The following AGMO variants were observed in gnomAD, a reference collection of about 807,000 sequenced individuals.
AGMO encodes the protein glyceryl-ether monooxygenase.
A neutral mutation model predicts 60.2 loss-of-function variants in AGMO; 75 were observed. The observed-to-expected ratio is 1.25, with a 90% CI of 1.03 to 1.51. The LOEUF is 1.51. Among genes scored for constraint, AGMO ranks in the 40% most tolerant of loss-of-function variants. The probability of loss-of-function intolerance (pLI) is 0.00; values close to 1 mark genes in which losing one functional copy is unlikely to be tolerated. For missense variants in AGMO, 763 were observed against 525.5 expected (o/e 1.45, Z -4.42); for synonymous variants, 261 against 177.1 (o/e 1.47, Z -3.76).
rs1394761285 is a variant in AGMO, at chr7:15,394,147, A to C, written c.642T>G (p.Ile214Met). The stretch of plus-strand genomic sequence containing the variant: ...CCCTATGATGGCTAGGAGTATTAAG[A>C]ATCAGTTCCAAAGGACCAAGGTTAT... The part of the protein sequence containing the change: ...VINNLGPLEL[I>M]LNTPSHHRVH... Residue 214 changes from isoleucine to methionine, a missense_variant, in exon 6 of 13, where the codon ATT becomes ATG. Physicochemically the swap from Ile to Met is conservative, Grantham distance 10. Coordinates refer to ENST00000342526, the MANE Select transcript of AGMO (RefSeq NM_001004320.2). 1.2e-6 allele frequency: 2 copies of C among 1,612,424 alleles called. No individual in the cohort carries two copies. Among genetic ancestry groups the C allele is most frequent in the African/African-American group, 2.7e-5 (2 of 74,984 alleles).
chr7:15,287,006 T>C (rs963869287), intron 12 of AGMO, among the ~76,000 whole-genome samples: 3 of 152,112 alleles, frequency 2.0e-5, no homozygotes, highest in African/African-American at 4.8e-5. Context: ...TTCACTTATA[T>C]GTGGGAGTTA....
intron 12 of AGMO, among the ~76,000 whole-genome samples, chr7:15,254,075 C>G (rs1471411318): frequency 6.6e-6 from 1 of 152,012 alleles, no homozygotes; most frequent in African/African-American, 2.4e-5. Context: ...GTATAGTATT[C>G]CATTGTGGAT....
intron 3 of AGMO, among the ~76,000 whole-genome samples, chr7:15,507,123 T>C (rs759655733): frequency 2.3e-4 from 35 of 152,022 alleles, no homozygotes; most frequent in Non-Finnish European, 4.4e-4. Flanking sequence ...GGATTTTATA[T>C]GCAGCCATTC....
chr7:15,215,531 G>T (rs528189195), intron 12 of AGMO, among the ~76,000 whole-genome samples: 1 of 151,928 alleles, frequency 6.6e-6, no homozygotes, highest in South Asian at 2.1e-4. Flanking sequence ...CAGTGGAACA[G>T]ATGTGTTTTA....
the AGMO span, among the ~76,000 whole-genome samples, chr7:15,130,599 C>T: frequency 2.0e-5 from 3 of 151,888 alleles, no homozygotes; most frequent in African/African-American, 4.8e-5. Context: ...AGGAAAGGAA[C>T]GATTGAAAAT....
chr7:15,346,864 AT>A (rs1173651222), intron 12 of AGMO, among the ~76,000 whole-genome samples: 1 of 150,166 alleles, frequency 6.7e-6, no homozygotes, highest in African/African-American at 2.4e-5. Context: ...GTAAGTAACT[AT>A]TTTGTATATC....
rs553351505 is a variant in AGMO at position 15,453,976 on chromosome 7, T to G, written c.410-22868A>C. ...TAATATATAAACATGTAATTATATA[T>G]TATATACCTAATATATATTTTAAAA... On this transcript the variant is annotated intron_variant, in intron 3 of 12. Transcript: ENST00000342526. Among the ~76,000 whole-genome samples the G allele has an allele frequency of 2.0e-5, 3 of 148,220 alleles. No homozygotes were observed. In the East Asian group the frequency reaches 5.8e-4, roughly 29 times the overall value.
chr7:15,323,658 C>T (rs929999095), intron 12 of AGMO, among the ~76,000 whole-genome samples: 5 of 152,104 alleles, frequency 3.3e-5, no homozygotes, highest in African/African-American at 1.2e-4. Context: ...AGCTGTCTCC[C>T]GAGCTTGCAG....
At chr7:15,281,043 C>T (rs1410884139) in intron 12 of AGMO, among the ~76,000 whole-genome samples, 1 of 152,142 alleles carries the variant, frequency 6.6e-6, no homozygotes, top group Non-Finnish European at 1.5e-5. Flanking sequence ...TTACAGTAGT[C>T]TGGCTCTCAG....
At chr7:15,121,033 TCA>T in the AGMO span, among the ~76,000 whole-genome samples, 1 of 152,130 alleles carries the variant, frequency 6.6e-6, no homozygotes, top group Non-Finnish European at 1.5e-5. Flanking sequence ...CCATGTGTTC[TCA>T]TTGTTCAGTT....
chr7:15,560,043 T>G, intron 2 of AGMO, 98 bp downstream of exon 2: 1 of 1,207,588 alleles, frequency 8.3e-7, no homozygotes, highest in Non-Finnish European at 1.1e-6. Context: ...GGAAAATTTG[T>G]GTAAATAAAC....
chr7:15,216,557 T>C (rs1031103485), intron 12 of AGMO, among the ~76,000 whole-genome samples: 1 of 152,048 alleles, frequency 6.6e-6, no homozygotes, highest in Non-Finnish European at 1.5e-5. Context: ...CATTCATTTG[T>C]AGTAGTAATG....
intron 3 of AGMO, among the ~76,000 whole-genome samples, chr7:15,481,647 A>G (rs977617899): frequency 2.0e-5 from 3 of 152,084 alleles, no homozygotes; most frequent in Non-Finnish European, 2.9e-5. Context: ...ATACCTCTCA[A>G]AAACTGATAA....
intron 12 of AGMO, among the ~76,000 whole-genome samples, chr7:15,354,757 A>G (rs939393744): frequency 6.6e-6 from 1 of 151,092 alleles, no homozygotes; most frequent in African/African-American, 2.4e-5. Flanking sequence ...AAAAATATCA[A>G]AGAGGATCTG....
rs1368429253 is a variant in AGMO, at chr7:15,247,451, C to CAG, written c.1264-46093_1264-46092insCT. Among the ~76,000 whole-genome samples, 647 of 119,554 alleles carry CAG rather than the reference C, an allele frequency of 5.4e-3. 7 individuals are homozygous for CAG. Among genetic ancestry groups the CAG allele is most frequent in the Admixed American group, 0.022 (255 of 11,522 alleles). 78.4% of individuals were successfully genotyped at this position (119,554 alleles called of 152,430 possible). A position where few individuals can be genotyped will look rare whatever the true frequency, so the allele number is the denominator to read the frequency against. On this transcript the variant is annotated intron_variant, in intron 12 of 12. Coordinates refer to ENST00000342526, the MANE Select transcript of AGMO (RefSeq NM_001004320.2). ...ACACACACACACACACACACACACA[C>CAG]ACACACACAGAGAGAGAGAGAGAGA...
intron 12 of AGMO, among the ~76,000 whole-genome samples, chr7:15,297,845 A>C (rs1179942763): frequency 6.6e-6 from 1 of 152,190 alleles, no homozygotes; most frequent in African/African-American, 2.4e-5. Context: ...TTGTATAAAG[A>C]ATAAATAATA....
At chr7:15,147,794 G>A in the AGMO span, among the ~76,000 whole-genome samples, 15 of 152,030 alleles carry the variant, frequency 9.9e-5, no homozygotes, top group South Asian at 2.1e-4. Context: ...ATAGTCAGAC[G>A]TACACAGACT....
At chr7:15,334,854 A>G (rs1257146161) in intron 12 of AGMO, among the ~76,000 whole-genome samples, 2 of 152,166 alleles carry the variant, frequency 1.3e-5, no homozygotes, top group African/African-American at 2.4e-5. Flanking sequence ...ACAATAGTAG[A>G]GCAAAACCTA....
chr7:15,394,378 G>C (rs942522171), intron 5 of AGMO, among the ~76,000 whole-genome samples, 199 bp from the exon 6 acceptor site: 17 of 152,128 alleles, frequency 1.1e-4, no homozygotes, highest in African/African-American at 4.1e-4. Flanking sequence ...ATTCTGAGAC[G>C]TGGCATGGTG....
Sources: allele counts gnomAD v4.1 joint callset (sites outside exome capture counted in the v4.1 genomes callset), GRCh38; gene constraint gnomAD v4.1.1; transcripts MANE v1.5; gene names NCBI Gene and HGNC (gene_info 2026-07-23, HGNC 2026-07-21).